The following CTPS1 variants were observed in gnomAD, a reference collection of about 807,000 sequenced individuals.
CTPS1 encodes CTP synthetase 1.
A neutral mutation model predicts 80.5 loss-of-function variants in CTPS1; 25 were observed. The observed-to-expected ratio is 0.31, with a 90% CI of 0.23 to 0.43. The LOEUF (loss-of-function observed/expected upper bound fraction) is 0.43. Among genes scored for constraint, CTPS1 ranks in the 20% least tolerant of loss-of-function variants. The pLI is 1.00. For missense variants in CTPS1, 442 were observed against 725.7 expected, an observed-to-expected ratio of 0.61 and a Z score of 4.49; for synonymous variants, 267 against 252.5, an observed-to-expected ratio of 1.06 and a Z score of -0.54.
At chr1:40,989,035 A>C (rs1002443311) in intron 5 of CTPS1, among the ~76,000 whole-genome samples, 4 of 152,162 alleles carry the variant, frequency 2.6e-5, no homozygotes, top group Admixed American at 1.3e-4. Flanking sequence ...AAAAATTGGG[A>C]AGCCGGAAAG....
Position 40,996,080 on chromosome 1 carries a change from A to T in CTPS1, c.872+12A>T. On this transcript the variant is annotated intron_variant, in intron 8 of 18. Transcript: ENST00000650070. ...GAGATGGCTGACAGGTTTGCCTGCA[A>T]TGAGGAGCTGGGAGTGCTAGCCTCC... is the stretch of plus-strand genomic sequence containing the variant. The T allele has an allele frequency of 6.2e-7, 1 of 1,613,970 alleles. No individual in the cohort carries two copies. Among genetic ancestry groups the T allele is most frequent in the Non-Finnish European group, 8.5e-7 (1 of 1,179,888 alleles).
In CTPS1 at chr1:40,987,421, G is replaced by A. The variant is rs759635738; in HGVS notation, c.387G>A (p.Ala129=). ...TCCAGGAGTGGGTGATGAGACAGGC[G>A]TTAATACCTGTAGATGAAGATGGCC... ...DAIQEWVMRQ[A]LIPVDEDGLE... is the part of the protein sequence containing the mutation. Residue 129 remains alanine (A), a synonymous_variant, in exon 4 of 19, where the codon GCG becomes GCA. Transcript: ENST00000650070. 8.1e-6 allele frequency: 13 copies of A among 1,614,030 alleles called. No individual in the cohort carries two copies. The highest frequency in any genetic ancestry group is 1.6e-4 in the Middle Eastern group (1 of 6,062).
Position 40,984,990 on chromosome 1 carries a change from A to G in CTPS1, c.336A>G (p.Gln112=), listed in dbSNP as rs1642414869. The G allele has an allele frequency of 1.3e-6, 2 of 1,563,268 alleles. No individual in the cohort carries two copies. Among genetic ancestry groups the G allele is most frequent in the Non-Finnish European group, 1.7e-6 (2 of 1,146,552 alleles). ...RKGDYLGKTV[Q]VVPHITDAIQ... is the part of the protein sequence containing the mutation. ...GAGATTACTTGGGGAAAACTGTCCA[A>G]GGTAATACTGGATTTACCTTTAAAG... Residue 112 remains glutamine, a splice_region_variant and synonymous_variant, in exon 3 of 19, where the codon CAA becomes CAG. Coordinates refer to ENST00000650070, the MANE Select transcript of CTPS1 (RefSeq NM_001905.4).
In CTPS1 at chr1:41,007,453, T is replaced by C. The variant is rs995628555; in HGVS notation, c.1301T>C (p.Val434Ala). ...FDPTTSHPVV[V>A]DMPEHNPGQM... ...CTGTTTTCTGAACATCTCCAGGTCG[T>C]AGACATGCCAGAACACAACCCAGGG... The change falls in exon 14 of 19, where the codon GTA becomes GCA. Residue 434 changes from valine to alanine, a missense_variant. Val to Ala is a moderately conservative substitution (Grantham distance 64, BLOSUM62 0). This residue lies in a region of CTPS1 where 321 missense variants were observed against 467.2 expected (regional missense o/e 0.69). Transcript: ENST00000650070. This position sits in a 1 kb window ranked among gnomAD's most constrained non-coding sequence, Gnocchi z 4.4. 6.2e-7 allele frequency: 1 copy of C among 1,613,986 alleles called. No homozygotes were observed. The highest frequency in any genetic ancestry group is 8.5e-7 in the Non-Finnish European group (1 of 1,179,992).
chr1:41,007,389 G>A lies in CTPS1; in HGVS notation c.1297-60G>A, dbSNP rs1325605408. The A allele has an allele frequency of 1.4e-6, 2 of 1,445,820 alleles. No individual in the cohort carries two copies. The highest frequency in any genetic ancestry group is 1.4e-5 in the African/African-American group (1 of 71,484). 89.6% of individuals were successfully genotyped at this position (1,445,820 alleles called of 1,614,324 possible). On this transcript the variant is annotated intron_variant, in intron 13 of 18. Coordinates refer to ENST00000650070, the MANE Select transcript of CTPS1 (RefSeq NM_001905.4). The surrounding 1 kb of genome is among the most constrained non-coding windows in gnomAD (Gnocchi z 4.4). ...CCTTTGCCACCCACTCAGCGAGGGAGGTTTCTCTCTAGCGGAAGCAGAGTT... is the reference window on the plus strand; with the variant it reads ...CCTTTGCCACCCACTCAGCGAGGGAAGTTTCTCTCTAGCGGAAGCAGAGTT...
rs1190052985 is a variant in CTPS1 at position 40,998,428 on chromosome 1, A to ACAGAGCGAGAC, written c.1005+902_1005+903insCAGAGCGAGAC. Among the ~76,000 whole-genome samples, 329 of 144,418 alleles carry ACAGAGCGAGAC rather than the reference A, an allele frequency of 2.3e-3. 9 individuals are homozygous for ACAGAGCGAGAC. The highest frequency in any genetic ancestry group is 8.2e-3 in the African/African-American group (315 of 38,436). 94.7% of individuals were successfully genotyped at this position (144,418 alleles called of 152,430 possible). A position where few individuals can be genotyped will look rare whatever the true frequency, so the allele number is the denominator to read the frequency against. On this transcript the variant is annotated intron_variant, in intron 9 of 18. Transcript: ENST00000650070. ...AAAAAAAAAAAAAAAAAAAACATGG[A>ACAGAGCGAGAC]TGCCTGAGCCCGGTGACCAGGGCTC...
intron 9 of CTPS1, among the ~76,000 whole-genome samples, chr1:40,997,923 G>T (rs1642796570): frequency 6.6e-6 from 1 of 152,212 alleles, no homozygotes; most frequent in South Asian, 2.1e-4. Context: ...TTATTGCAGA[G>T]TGGGAATGAC....
At chr1:40,990,665 A>G (rs1163205031) in intron 5 of CTPS1, among the ~76,000 whole-genome samples, 1 of 152,162 alleles carries the variant, frequency 6.6e-6, no homozygotes, top group Non-Finnish European at 1.5e-5. Context: ...TTTCCATCCT[A>G]CAAGTCCATG....
In CTPS1 at chr1:41,007,286, A is replaced by T. The variant is rs551845679; in HGVS notation, c.1297-163A>T. 1.3e-5 allele frequency among the ~76,000 whole-genome samples: 2 copies of T among 152,292 alleles called. No homozygotes were observed. The highest frequency in any genetic ancestry group is 3.9e-4 in the East Asian group (2 of 5,180). On this transcript the variant is annotated intron_variant, in intron 13 of 18. Coordinates refer to ENST00000650070, the MANE Select transcript of CTPS1 (RefSeq NM_001905.4). The surrounding 1 kb of genome is among the most constrained non-coding windows in gnomAD (Gnocchi z 4.4). Reference sequence around the variant, plus strand: ...AGCCTCCACCCAACCGAGGTTACAAATGCCAACTGGGAGGCATTTTCTTCT... The same window carrying T: ...AGCCTCCACCCAACCGAGGTTACAATTGCCAACTGGGAGGCATTTTCTTCT...
At chr1:40,983,636 T>C (rs1002066399) in intron 2 of CTPS1, among the ~76,000 whole-genome samples, 180 bp downstream of exon 2, 5 of 145,646 alleles carry the variant, frequency 3.4e-5, no homozygotes, top group Admixed American at 2.1e-4. Context: ...TTTTTTTTTT[T>C]CTTTGAGACA....
intron 5 of CTPS1, among the ~76,000 whole-genome samples, chr1:40,990,296 G>C (rs1259136234): frequency 1.3e-5 from 2 of 152,130 alleles, no homozygotes; most frequent in African/African-American, 4.8e-5. Flanking sequence ...TCAGTTTCTG[G>C]GTTGAAAGGG....
chr1:41,008,584 G>A, intron 14 of CTPS1, 75 bp from the exon 15 acceptor site: 8 of 1,486,714 alleles, frequency 5.4e-6, no homozygotes, highest in Non-Finnish European at 7.5e-6. Flanking sequence ...AAGTAAAGCA[G>A]GAAGGAGGAT....
intron 1 of CTPS1, chr1:40,982,135 C>G: frequency 2.1e-6 from 1 of 465,718 alleles, no homozygotes; most frequent in South Asian, 2.0e-5. Flanking sequence ...GGTCTCCTCA[C>G]CTCTTGTCGA....
At chr1:40,984,535 C>G (rs1034401043) in intron 2 of CTPS1, among the ~76,000 whole-genome samples, 22 of 152,308 alleles carry the variant, frequency 1.4e-4, no homozygotes, top group African/African-American at 5.1e-4. Flanking sequence ...CTGTAAAGTC[C>G]TGTATGCACA....
intron 5 of CTPS1, among the ~76,000 whole-genome samples, chr1:40,990,916 T>C (rs527444357): frequency 1.3e-5 from 2 of 152,062 alleles, no homozygotes; most frequent in East Asian, 3.9e-4. Flanking sequence ...CAGTTAAGAG[T>C]TGAAGAGCGG....
intron 3 of CTPS1, among the ~76,000 whole-genome samples, chr1:40,985,254 C>A (rs780381180): frequency 6.6e-6 from 1 of 152,176 alleles, no homozygotes; most frequent in Non-Finnish European, 1.5e-5. Context: ...CAGCATGATA[C>A]GAGTCCAGAG....
At chr1:40,999,311 A>T (rs796083056) in intron 9 of CTPS1, among the ~76,000 whole-genome samples, 19 of 152,332 alleles carry the variant, frequency 1.2e-4, no homozygotes, top group African/African-American at 4.3e-4. Context: ...GCCTGCCCAC[A>T]ATTCCATGAA....
chr1:40,988,493 A>G, intron 4 of CTPS1, 101 bp from the exon 5 acceptor site: 1 of 765,946 alleles, frequency 1.3e-6, no homozygotes, highest in Non-Finnish European at 2.3e-6. Flanking sequence ...CGTGTTACAT[A>G]ATTACTGATA....
intron 13 of CTPS1, among the ~76,000 whole-genome samples, chr1:41,006,539 C>T (rs930982381): frequency 2.0e-5 from 3 of 152,214 alleles, no homozygotes; most frequent in African/African-American, 4.8e-5. Context: ...CACTGGTTGG[C>T]TTAACCGTAT....
Sources: gnomAD v4.1 joint callset for allele counts (sites outside exome capture counted in the v4.1 genomes callset) on GRCh38, gnomAD v4.1.1 for gene constraint, gnomAD v4.1.1 regional missense constraint, Gnocchi (gnomAD v3.1) non-coding constraint, MANE v1.5 for transcripts, NCBI Gene and HGNC (gene_info 2026-07-23, HGNC 2026-07-21) for gene names.